TRHDE: variants seen among roughly 807,000 people sequenced by gnomAD.
The protein encoded by TRHDE is thyrotropin-releasing hormone-degrading ectoenzyme.
In TRHDE, 72 loss-of-function variants were observed where a neutral mutation model predicts 125.7. The observed-to-expected ratio is 0.57, with a 90% CI of 0.47 to 0.70. The LOEUF (loss-of-function observed/expected upper bound fraction) is 0.70, where lower values mean the gene tolerates loss of function less well. Among genes scored for constraint, TRHDE ranks in the 30% least tolerant of loss-of-function variants. TRHDE has a pLI of 0.00. For missense variants in TRHDE, 1,110 were observed against 1,327.1 expected, an observed-to-expected ratio of 0.84 and a Z score of 2.54; for synonymous variants, 509 against 509.1, an observed-to-expected ratio of 1.00 and a Z score of 0.00.
At chr12:72,490,330 C>T (rs989889031) in intron 5 of TRHDE, among the ~76,000 whole-genome samples, 18 of 151,736 alleles carry the variant, frequency 1.2e-4, no homozygotes, top group African/African-American at 4.1e-4. Flanking sequence ...TAAAAGATAA[C>T]CAATGTTGGA....
intron 5 of TRHDE, among the ~76,000 whole-genome samples, chr12:72,482,468 A>T (rs773588813): frequency 6.6e-6 from 1 of 151,936 alleles, no homozygotes; most frequent in Non-Finnish European, 1.5e-5. Flanking sequence ...TTTATATTAC[A>T]TGGCTTAAAC....
intron 2 of TRHDE, among the ~76,000 whole-genome samples, chr12:72,339,191 G>A (rs1329177411): frequency 6.6e-6 from 1 of 151,724 alleles, no homozygotes; most frequent in African/African-American, 2.4e-5. Flanking sequence ...TTCCTTTTTG[G>A]TAAATTTTCA....
At chr12:72,425,372 G>A (rs1348077738) in intron 3 of TRHDE, among the ~76,000 whole-genome samples, 1 of 152,032 alleles carries the variant, frequency 6.6e-6, no homozygotes, top group Non-Finnish European at 1.5e-5. Flanking sequence ...ATTGCTAAGT[G>A]TTCCACAGTA....
chr12:72,222,832 C>T (rs1453551156), intron 2 of TRHDE, among the ~76,000 whole-genome samples: 1 of 152,068 alleles, frequency 6.6e-6, no homozygotes, highest in Non-Finnish European at 1.5e-5. Flanking sequence ...CCAGCCTGCA[C>T]CTCTACCATT....
At chr12:72,533,180 T>A (rs1366750302) in intron 6 of TRHDE, among the ~76,000 whole-genome samples, 4 of 152,122 alleles carry the variant, frequency 2.6e-5, no homozygotes, top group Admixed American at 2.6e-4. Flanking sequence ...AAAATTCTTT[T>A]TTTTTTTGTT....
At chr12:72,245,929 G>C (rs1342031591) in intron 2 of TRHDE, among the ~76,000 whole-genome samples, 1 of 151,830 alleles carries the variant, frequency 6.6e-6, no homozygotes, top group Non-Finnish European at 1.5e-5. Context: ...ATATTCTGTT[G>C]ATCTATCTTG....
chr12:72,377,282 G>A (rs1023786532), intron 2 of TRHDE, among the ~76,000 whole-genome samples: 2 of 146,664 alleles, frequency 1.4e-5, no homozygotes, highest in Non-Finnish European at 3.0e-5. Flanking sequence ...GTTTTGTTCA[G>A]TTTCATGTTA....
intron 2 of TRHDE, among the ~76,000 whole-genome samples, chr12:72,295,555 G>A (rs1282625553): frequency 6.6e-6 from 1 of 151,848 alleles, no homozygotes; most frequent in African/African-American, 2.4e-5. Flanking sequence ...ACAATAGGAA[G>A]GACACACACA....
intron 3 of TRHDE, among the ~76,000 whole-genome samples, chr12:72,382,341 G>T (rs562361148): frequency 6.6e-6 from 1 of 151,902 alleles, no homozygotes; most frequent in Admixed American, 6.6e-5. Flanking sequence ...GTTGGGGAGG[G>T]GGGGACAGTG....
intron 2 of TRHDE, among the ~76,000 whole-genome samples, chr12:72,336,704 G>A (rs970826337): frequency 6.6e-5 from 10 of 152,182 alleles, no homozygotes; most frequent in Non-Finnish European, 1.3e-4. Flanking sequence ...TCCCATGGCA[G>A]AAAGTGGAAG....
chr12:72,432,521 C>T (rs1306888090), intron 3 of TRHDE, among the ~76,000 whole-genome samples: 1 of 152,138 alleles, frequency 6.6e-6, no homozygotes, highest in Non-Finnish European at 1.5e-5. Context: ...CAGCTGCCTT[C>T]AGCTATTCTC....
rs534702676 is a variant in TRHDE at position 72,468,143 on chromosome 12, A to C, written c.1316-1615A>C. Among the ~76,000 whole-genome samples the C allele has an allele frequency of 2.0e-5, 3 of 152,266 alleles. No homozygotes were observed. The South Asian group carries it at 6.2e-4, about 32-fold the overall frequency. On this transcript the variant is annotated intron_variant, in intron 3 of 18. Transcript: ENST00000261180. Reference sequence around the variant, plus strand: ...GTTATATGTGTGTGTTTGTGTGTGCATCTTGCCATTACTGTCTCTATGCAC... The same window carrying C: ...GTTATATGTGTGTGTTTGTGTGTGCCTCTTGCCATTACTGTCTCTATGCAC...
At chr12:72,610,174 T>C (rs1872582484) in intron 12 of TRHDE, among the ~76,000 whole-genome samples, 1 of 152,220 alleles carries the variant, frequency 6.6e-6, no homozygotes, top group Non-Finnish European at 1.5e-5. Context: ...CTTCCCTATG[T>C]TTTCTAATGC....
At chr12:72,351,662 C>G (rs549235220) in intron 2 of TRHDE, among the ~76,000 whole-genome samples, 1 of 151,994 alleles carries the variant, frequency 6.6e-6, no homozygotes, top group East Asian at 1.9e-4. Flanking sequence ...TGGACTATGG[C>G]AACATCTTTA....
chr12:72,194,708 T>G (rs1360903300), intron 2 of TRHDE, among the ~76,000 whole-genome samples: 2 of 152,268 alleles, frequency 1.3e-5, no homozygotes, highest in East Asian at 3.9e-4. Flanking sequence ...AGGACATGAT[T>G]CCATTCCTTT....
rs150279760 is a variant in TRHDE at position 72,120,588 on chromosome 12, C to T, written n.279+14836C>T. Among the ~76,000 whole-genome samples, 108 of 151,908 alleles carry T rather than the reference C, an allele frequency of 7.1e-4. 1 individual carries two copies. In the East Asian group the frequency reaches 0.017, roughly 24 times the overall value. On this transcript the variant is annotated intron_variant and non_coding_transcript_variant, in intron 2 of 4. Transcript: ENST00000548156. ...CATTATTTTAAGCTAATGATAACAACGCTGGTTACATATACAAACCAACTA... is the reference window on the plus strand; with the variant it reads ...CATTATTTTAAGCTAATGATAACAATGCTGGTTACATATACAAACCAACTA...
intron 7 of TRHDE, among the ~76,000 whole-genome samples, chr12:72,561,507 G>A (rs570006401): frequency 9.9e-5 from 15 of 152,062 alleles, no homozygotes; most frequent in African/African-American, 1.7e-4. Context: ...AGTGTGAATC[G>A]GATAGAAAGT....
At chr12:72,643,687 G>A (rs1354389091) in intron 15 of TRHDE, among the ~76,000 whole-genome samples, 4 of 152,044 alleles carry the variant, frequency 2.6e-5, no homozygotes, top group Admixed American at 2.6e-4. Flanking sequence ...CATATGACCA[G>A]CTTGCCATAC....
intron 1 of TRHDE, among the ~76,000 whole-genome samples, chr12:72,094,390 G>A (rs959880374): frequency 1.3e-5 from 2 of 152,152 alleles, no homozygotes; most frequent in Non-Finnish European, 2.9e-5. Flanking sequence ...TGCCTCTGGG[G>A]TTACTGATGA....
Sources: gnomAD v4.1 joint callset for allele counts (sites outside exome capture counted in the v4.1 genomes callset) on GRCh38, gnomAD v4.1.1 for gene constraint, MANE v1.5 for transcripts, NCBI Gene and HGNC (gene_info 2026-07-23, HGNC 2026-07-21) for gene names.